The following SMAP1 variants were observed in gnomAD, a reference collection of about 807,000 sequenced individuals.
SMAP1 encodes the protein small ArfGAP 1.
Under a neutral mutation model 58.5 loss-of-function variants are expected in SMAP1, and 24 were observed. The observed-to-expected ratio is 0.41, with a 90% confidence interval of 0.30 to 0.58. SMAP1 has a LOEUF of 0.58. SMAP1 is among the 20% of genes least tolerant of loss of function. SMAP1 has a pLI of 0.29. For missense variants in SMAP1, 563 were observed against 566.3 expected (o/e 0.99, Z 0.06); for synonymous variants, 216 against 196.6 (o/e 1.10, Z -0.82).
intron 6 of SMAP1, among the ~76,000 whole-genome samples, chr6:70,815,895 C>T (rs150733127): frequency 8.5e-5 from 13 of 152,092 alleles, no homozygotes; most frequent in African/African-American, 2.9e-4. Flanking sequence ...CTTAGGATGC[C>T]TGCAGTGTGT....
chr6:70,743,266 C>G (rs1478772420), intron 2 of SMAP1, among the ~76,000 whole-genome samples: 1 of 152,100 alleles, frequency 6.6e-6, no homozygotes, highest in African/African-American at 2.4e-5. Context: ...TTGTTTCTAC[C>G]TGATGGCATT....
chr6:70,690,294 A>G (rs553935154), intron 1 of SMAP1, among the ~76,000 whole-genome samples: 77 of 152,104 alleles, frequency 5.1e-4, no homozygotes, highest in African/African-American at 1.6e-3. Flanking sequence ...ATGATCATAT[A>G]GTTTTTAAAA....
chr6:70,751,584 GA>G (rs928013943), intron 2 of SMAP1, among the ~76,000 whole-genome samples: 13 of 143,834 alleles, frequency 9.0e-5, no homozygotes, highest in South Asian at 4.5e-4. Flanking sequence ...GAGATAAAGA[GA>G]AAAAAAAATA....
chr6:70,823,980 T>C (rs1431027748), intron 6 of SMAP1, among the ~76,000 whole-genome samples: 1 of 151,692 alleles, frequency 6.6e-6, no homozygotes, highest in Non-Finnish European at 1.5e-5. Context: ...TCCCCTGAAG[T>C]TTTAATCTCT....
At chr6:70,806,537 T>G (rs889002698) in intron 6 of SMAP1, among the ~76,000 whole-genome samples, 1 of 152,198 alleles carries the variant, frequency 6.6e-6, no homozygotes. Context: ...CCCAGTGAGA[T>G]GAACCAGGTA....
chr6:70,824,671 A>C (rs1024385865), intron 6 of SMAP1, among the ~76,000 whole-genome samples: 1 of 152,230 alleles, frequency 6.6e-6, no homozygotes, highest in African/African-American at 2.4e-5. Flanking sequence ...TTCCACATGC[A>C]TATGTCACTT....
intron 6 of SMAP1, among the ~76,000 whole-genome samples, chr6:70,815,483 G>A (rs1769579162): frequency 6.6e-6 from 1 of 152,104 alleles, no homozygotes; most frequent in South Asian, 2.1e-4. Context: ...GCATAATTAT[G>A]CAAAAAACAT....
intron 1 of SMAP1, chr6:70,668,429 A>G (rs1489754460): frequency 2.1e-5 from 26 of 1,238,964 alleles, no homozygotes; most frequent in Middle Eastern, 2.9e-4. Context: ...CGGACCCTCC[A>G]CAGGGCTGGG....
At chr6:70,840,747 A>G (rs1770770692) in intron 7 of SMAP1, among the ~76,000 whole-genome samples, 1 of 152,212 alleles carries the variant, frequency 6.6e-6, no homozygotes, top group Non-Finnish European at 1.5e-5. Flanking sequence ...CTCTAATACC[A>G]TAAACAGGGT....
chr6:70,682,646 A>T (rs1337513570), intron 1 of SMAP1, among the ~76,000 whole-genome samples: 2 of 152,156 alleles, frequency 1.3e-5, no homozygotes, highest in Non-Finnish European at 2.9e-5. Flanking sequence ...TTCAGAATAA[A>T]ATCTAAGGTC....
chr6:70,740,691 G>A (rs920677183), intron 2 of SMAP1, among the ~76,000 whole-genome samples: 1 of 152,170 alleles, frequency 6.6e-6, no homozygotes, highest in Non-Finnish European at 1.5e-5. Context: ...GGGCTAGACT[G>A]TCTCTCCCCA....
At chr6:70,728,469 T>A (rs1261682311) in intron 1 of SMAP1, among the ~76,000 whole-genome samples, 4 of 152,188 alleles carry the variant, frequency 2.6e-5, no homozygotes, top group Non-Finnish European at 4.4e-5. Context: ...AAATAGTAGA[T>A]CAGTTGTTCA....
rs972962709 is a variant in SMAP1, at chr6:70,861,348, G to A, written c.*1014G>A. On this transcript the variant is annotated 3_prime_UTR_variant, in exon 11 of 11. Coordinates refer to ENST00000370455, the MANE Select transcript of SMAP1 (RefSeq NM_001044305.3). ...AGTCTACCAATTATAAGGGCAAATT[G>A]GAGAAAAAGAAAAAATATATACTCA... The A allele has an allele frequency of 2.1e-4, 50 of 241,930 alleles. No homozygotes were observed. The highest frequency in any genetic ancestry group is 1.1e-3 in the African/African-American group (49 of 45,364). 15.0% of individuals were successfully genotyped at this position (241,930 alleles called of 1,614,324 possible). A position where few individuals can be genotyped will look rare whatever the true frequency, so the allele number is the denominator to read the frequency against.
At chr6:70,787,405 T>C (rs1562161015) in intron 4 of SMAP1, among the ~76,000 whole-genome samples, 3 of 152,116 alleles carry the variant, frequency 2.0e-5, no homozygotes, top group African/African-American at 2.4e-5. Flanking sequence ...ACTTCATGTC[T>C]AAAACACCAA....
At chr6:70,742,556 T>G (rs552527259) in intron 2 of SMAP1, among the ~76,000 whole-genome samples, 1 of 152,252 alleles carries the variant, frequency 6.6e-6, no homozygotes, top group African/African-American at 2.4e-5. Flanking sequence ...TCTAGGAAGC[T>G]CCAAATGTTC....
intron 3 of SMAP1, among the ~76,000 whole-genome samples, chr6:70,770,654 A>AT (rs1237729621): frequency 4.0e-5 from 6 of 151,864 alleles, no homozygotes; most frequent in Middle Eastern, 6.9e-3. Flanking sequence ...ATTCGTCTGA[A>AT]TTTTTTTCAC....
chr6:70,818,858 A>G (rs183427629), intron 6 of SMAP1, among the ~76,000 whole-genome samples: 2 of 152,216 alleles, frequency 1.3e-5, no homozygotes, highest in Admixed American at 6.5e-5. Context: ...TAAAATATCA[A>G]CTTTATTGAT....
chr6:70,803,014 G>T (rs1768934644), intron 6 of SMAP1, among the ~76,000 whole-genome samples: 1 of 152,296 alleles, frequency 6.6e-6, no homozygotes, highest in African/African-American at 2.4e-5. Context: ...GATGATTCTG[G>T]CCTCATAAAA....
rs371129919 is a variant in SMAP1, at chr6:70,784,708, A to G, written c.415-6981A>G. Among the ~76,000 whole-genome samples the G allele has an allele frequency of 4.7e-4, 72 of 152,238 alleles. 1 individual carries two copies. The highest frequency in any genetic ancestry group is 1.5e-3 in the Admixed American group (23 of 15,282). ...ACAAAGATCAAAAGAGACAAAGAAG[A>G]CCATTACATAATGGTAAAGGGATCA... On this transcript the variant is annotated intron_variant, in intron 4 of 10. Transcript: ENST00000370455.
Sources: gnomAD v4.1 joint callset for allele counts (sites outside exome capture counted in the v4.1 genomes callset) on GRCh38, gnomAD v4.1.1 for gene constraint, MANE v1.5 for transcripts, NCBI Gene and HGNC (gene_info 2026-07-23, HGNC 2026-07-21) for gene names.